The following SYT1 variants were observed in gnomAD, a reference collection of about 807,000 sequenced individuals.
SYT1 encodes the protein synaptotagmin-1.
Under a neutral mutation model 44.8 loss-of-function variants are expected in SYT1, and 8 were observed. That is an observed-to-expected ratio of 0.18 (90% CI 0.10 to 0.32). The LOEUF is 0.32. Among genes scored for constraint, SYT1 ranks in the 10% least tolerant of loss-of-function variants. The probability of loss-of-function intolerance (pLI) is 1.00; values close to 1 mark genes in which losing one functional copy is unlikely to be tolerated. For synonymous variants in SYT1, 154 were observed against 188.8 expected (o/e 0.82, Z 1.51); for missense variants, 286 against 509.3 (o/e 0.56, Z 4.22).
chr12:79,097,213 T>C (rs999917552), intron 3 of SYT1, among the ~76,000 whole-genome samples: 4 of 151,772 alleles, frequency 2.6e-5, no homozygotes, highest in Non-Finnish European at 5.9e-5. Context: ...AAAAGGGACA[T>C]GGGATGAAGC....
chr12:78,962,749 A>C (rs1454601167), intron 1 of SYT1, among the ~76,000 whole-genome samples: 1 of 152,116 alleles, frequency 6.6e-6, no homozygotes, highest in African/African-American at 2.4e-5. Flanking sequence ...CTTAACTTGT[A>C]CATCTTTGTT....
intron 2 of SYT1, among the ~76,000 whole-genome samples, chr12:79,021,624 G>A (rs1198350261): frequency 6.6e-6 from 1 of 151,732 alleles, no homozygotes; most frequent in Non-Finnish European, 1.5e-5. Flanking sequence ...GAACTGAAAG[G>A]ATGATCAGTT....
chr12:78,892,392 A>G (rs1458515579), intron 1 of SYT1, among the ~76,000 whole-genome samples: 3 of 151,804 alleles, frequency 2.0e-5, no homozygotes. Flanking sequence ...CCAGGGGATC[A>G]GTCACTGCTA....
chr12:79,263,790 A>G (rs1188134345), intron 4 of SYT1, among the ~76,000 whole-genome samples: 1 of 152,124 alleles, frequency 6.6e-6, no homozygotes, highest in Non-Finnish European at 1.5e-5. Flanking sequence ...ATTAAAATGC[A>G]AATTTCCACT....
intron 3 of SYT1, among the ~76,000 whole-genome samples, chr12:79,066,810 G>C (rs927090735): frequency 6.6e-6 from 1 of 152,110 alleles, no homozygotes; most frequent in Non-Finnish European, 1.5e-5. Context: ...TTTTGGTCTA[G>C]TTGGTTCCCC....
chr12:79,116,452 G>C (rs943221000), intron 3 of SYT1, among the ~76,000 whole-genome samples: 1 of 152,060 alleles, frequency 6.6e-6, no homozygotes, highest in African/African-American at 2.4e-5. Context: ...GTGAGGTGTT[G>C]ACTTAGGATC....
At chr12:79,066,103 C>T (rs1357615284) in intron 3 of SYT1, among the ~76,000 whole-genome samples, 1 of 151,994 alleles carries the variant, frequency 6.6e-6, no homozygotes, top group Non-Finnish European at 1.5e-5. Flanking sequence ...CATGCACACA[C>T]AGTCTACACT....
intron 3 of SYT1, among the ~76,000 whole-genome samples, chr12:79,118,662 T>C (rs937046623): frequency 1.3e-5 from 2 of 152,196 alleles, no homozygotes; most frequent in African/African-American, 4.8e-5. Flanking sequence ...TTAGCTCCTC[T>C]AGTTTCCACA....
At chr12:79,210,705 A>G (rs1218511171) in intron 3 of SYT1, among the ~76,000 whole-genome samples, 2 of 152,216 alleles carry the variant, frequency 1.3e-5, no homozygotes, top group African/African-American at 4.8e-5. Flanking sequence ...GCTGCTATAA[A>G]CATGCATGTG....
At chr12:78,906,899 C>A (rs1041309805) in intron 1 of SYT1, among the ~76,000 whole-genome samples, 1 of 152,060 alleles carries the variant, frequency 6.6e-6, no homozygotes, top group Non-Finnish European at 1.5e-5. Context: ...CTTGTGCATA[C>A]AAAGAAAATT....
At chr12:79,342,653 A>C (rs896771343) in intron 8 of SYT1, among the ~76,000 whole-genome samples, 1 of 152,250 alleles carries the variant, frequency 6.6e-6, no homozygotes, top group Non-Finnish European at 1.5e-5. Flanking sequence ...AAGGATGGAA[A>C]CAAGTGAACT....
At chr12:79,359,157 G>A (rs1210369422) in intron 9 of SYT1, among the ~76,000 whole-genome samples, 1 of 152,162 alleles carries the variant, frequency 6.6e-6, no homozygotes, top group Non-Finnish European at 1.5e-5. Flanking sequence ...CTCGTTTGAT[G>A]TGGTTTGCAT....
At chr12:79,190,339 CTTA>C (rs1388469127) in intron 3 of SYT1, among the ~76,000 whole-genome samples, 3 of 152,024 alleles carry the variant, frequency 2.0e-5, no homozygotes, top group African/African-American at 4.8e-5. Flanking sequence ...AGCTCAGCAA[CTTA>C]TTGAGATTTG....
intron 4 of SYT1, among the ~76,000 whole-genome samples, chr12:79,245,229 G>A (rs1229435315): frequency 6.6e-6 from 1 of 151,094 alleles, no homozygotes; most frequent in African/African-American, 2.4e-5. Flanking sequence ...ACTTTGGAAG[G>A]CCGAGGCGGG....
chr12:79,383,699 C>A (rs574482017), intron 9 of SYT1, among the ~76,000 whole-genome samples: 2 of 152,114 alleles, frequency 1.3e-5, no homozygotes, highest in Non-Finnish European at 2.9e-5. Flanking sequence ...CAAATTCTTT[C>A]ATCTTATAGG....
At chr12:79,039,793 C>G (rs199724502) in intron 2 of SYT1, among the ~76,000 whole-genome samples, 18,866 of 130,508 alleles carry the variant, frequency 0.14, 1,377 homozygotes, top group East Asian at 0.2. Context: ...CAACAACAGT[C>G]CCCAGAGTGT....
At chr12:79,249,017 T>C (rs1177427630) in intron 4 of SYT1, among the ~76,000 whole-genome samples, 3 of 151,776 alleles carry the variant, frequency 2.0e-5, no homozygotes, top group Non-Finnish European at 4.4e-5. Context: ...CCCAGGCATA[T>C]GGCTATTCCG....
intron 7 of SYT1, among the ~76,000 whole-genome samples, chr12:79,297,421 A>G (rs1402217159): frequency 6.6e-6 from 1 of 152,148 alleles, no homozygotes; most frequent in Non-Finnish European, 1.5e-5. Flanking sequence ...TTATTCATCT[A>G]TTTATTAACC....
At chr12:79,183,714 G>A (rs1236424125) in intron 3 of SYT1, among the ~76,000 whole-genome samples, 1 of 151,986 alleles carries the variant, frequency 6.6e-6, no homozygotes, top group African/African-American at 2.4e-5. Flanking sequence ...TGTTCCATGG[G>A]TAAACAGAGA....
Sources: gnomAD v4.1 joint callset for allele counts (sites outside exome capture counted in the v4.1 genomes callset) on GRCh38, gnomAD v4.1.1 for gene constraint, MANE v1.5 for transcripts, NCBI Gene and HGNC (gene_info 2026-07-23, HGNC 2026-07-21) for gene names.